DOCK3: variants seen among roughly 807,000 people sequenced by gnomAD.
DOCK3 encodes the protein dedicator of cytokinesis 3, also known as dedicator of cytokinesis protein 3.
Under a neutral mutation model 265.6 loss-of-function variants are expected in DOCK3, and 60 were observed. That is an observed-to-expected ratio of 0.23 (90% CI 0.18 to 0.28). DOCK3 has a LOEUF of 0.28. DOCK3 is among the 10% of genes least tolerant of loss of function. The pLI, the probability that DOCK3 is intolerant of heterozygous loss-of-function variation, is 1.00. For synonymous variants in DOCK3, 881 were observed against 938.0 expected, an observed-to-expected ratio of 0.94 and a Z score of 1.11; for missense variants, 1,981 against 2,594.3, an observed-to-expected ratio of 0.76 and a Z score of 5.14.
intron 9 of DOCK3, among the ~76,000 whole-genome samples, chr3:51,111,893 G>A (rs570566191): frequency 7.2e-5 from 11 of 152,170 alleles, no homozygotes; most frequent in Admixed American, 5.9e-4. Context: ...AGTAGGCAAA[G>A]GACATGTACA....
intron 49 of DOCK3, among the ~76,000 whole-genome samples, chr3:51,364,281 T>G (rs1292783078): frequency 6.6e-6 from 1 of 152,278 alleles, no homozygotes; most frequent in Non-Finnish European, 1.5e-5. Flanking sequence ...TGCATAAATG[T>G]CTTCTTTTGA....
intron 5 of DOCK3, among the ~76,000 whole-genome samples, chr3:51,064,136 C>T (rs900647985): frequency 1.1e-4 from 17 of 152,094 alleles, no homozygotes; most frequent in African/African-American, 3.9e-4. Flanking sequence ...GCTCTGGGCT[C>T]CTGTGTAACA....
intron 3 of DOCK3, among the ~76,000 whole-genome samples, chr3:50,865,236 G>A (rs2047085040): frequency 6.6e-6 from 1 of 151,948 alleles, no homozygotes; most frequent in African/African-American, 2.4e-5. Context: ...CAAATTTTAG[G>A]TCTGATACAT....
At chr3:51,083,293 A>G (rs1253336572) in intron 7 of DOCK3, among the ~76,000 whole-genome samples, 1 of 152,208 alleles carries the variant, frequency 6.6e-6, no homozygotes, top group African/African-American at 2.4e-5. Flanking sequence ...TCTATAGGAA[A>G]AAGTCTTTCC....
At chr3:50,767,014 A>G (rs2040928194) in intron 1 of DOCK3, among the ~76,000 whole-genome samples, 2 of 152,096 alleles carry the variant, frequency 1.3e-5, no homozygotes, top group East Asian at 3.9e-4. Context: ...GATTCTGGAT[A>G]TTAGCCCTTT....
At position 50,886,404 on chromosome 3, in the gene DOCK3, T is replaced by A. The variant is rs571810656; in HGVS notation, c.163-3622T>A. Among the ~76,000 whole-genome samples the A allele has an allele frequency of 1.8e-4, 27 of 152,068 alleles. 1 individual carries two copies. Among genetic ancestry groups the A allele is most frequent in the South Asian group, 1.0e-3 (5 of 4,816 alleles). On this transcript the variant is annotated intron_variant, in intron 3 of 52. Coordinates refer to ENST00000266037, the MANE Select transcript of DOCK3 (RefSeq NM_004947.5). Reference sequence around the variant, plus strand: ...GCAGTTGCTTTTTAAATCCTTTTTTTAAAAAATTTTATTATTATTATACTT... The same window carrying A: ...GCAGTTGCTTTTTAAATCCTTTTTTAAAAAAATTTTATTATTATTATACTT...
intron 9 of DOCK3, among the ~76,000 whole-genome samples, chr3:51,123,452 A>G (rs377274190): frequency 1.2e-4 from 19 of 152,332 alleles, no homozygotes; most frequent in Middle Eastern, 3.4e-3. Flanking sequence ...ATTATTCACT[A>G]CAAGGACTCA....
At chr3:51,326,057 A>G (rs1322493813) in intron 32 of DOCK3, among the ~76,000 whole-genome samples, 1 of 8,080 alleles carries the variant, frequency 1.2e-4, no homozygotes, top group Non-Finnish European at 2.1e-4. Context: ...AACCTAAAGT[A>G]TTAAAAAAAA....
intron 26 of DOCK3, 69 bp from the exon 27 acceptor site, chr3:51,280,037 C>T (rs1250142396): frequency 6.1e-6 from 8 of 1,305,494 alleles, no homozygotes; most frequent in Non-Finnish European, 8.7e-6. Flanking sequence ...TCTCCTTGCC[C>T]TCTATGGATT....
At chr3:51,113,849 G>A (rs1330841819) in intron 9 of DOCK3, among the ~76,000 whole-genome samples, 14 of 152,084 alleles carry the variant, frequency 9.2e-5, no homozygotes, top group Admixed American at 7.2e-4. Context: ...TGATTGTCAC[G>A]GCCTGTAATC....
chr3:50,974,799 A>G (rs1188556178), intron 5 of DOCK3, among the ~76,000 whole-genome samples: 3 of 143,498 alleles, frequency 2.1e-5, no homozygotes, highest in Admixed American at 7.0e-5. Context: ...ATTTGTTTGT[A>G]TCATCTTTTA....
At chr3:51,307,480 A>G (rs1296141756) in intron 27 of DOCK3, among the ~76,000 whole-genome samples, 1 of 152,242 alleles carries the variant, frequency 6.6e-6, no homozygotes, top group East Asian at 1.9e-4. Flanking sequence ...GCAGTTAGTT[A>G]ATGATCAGCT....
At chr3:50,779,271 G>A (rs1576410391) in intron 2 of DOCK3, among the ~76,000 whole-genome samples, 1 of 151,786 alleles carries the variant, frequency 6.6e-6, no homozygotes, top group East Asian at 1.9e-4. Flanking sequence ...CCCATGCTTA[G>A]CTGCCTTTGA....
intron 49 of DOCK3, among the ~76,000 whole-genome samples, chr3:51,368,677 G>A (rs1257871993): frequency 2.0e-5 from 3 of 152,218 alleles, no homozygotes; most frequent in African/African-American, 4.8e-5. Flanking sequence ...AGACTTAAAC[G>A]TCCCTGTCTG....
At chr3:51,127,902 G>C (rs992685070) in intron 9 of DOCK3, among the ~76,000 whole-genome samples, 4 of 152,204 alleles carry the variant, frequency 2.6e-5, no homozygotes, top group African/African-American at 9.7e-5. Context: ...GTAATACTAA[G>C]AGATGCCCTA....
intron 2 of DOCK3, among the ~76,000 whole-genome samples, chr3:50,797,300 G>T (rs1016604857): frequency 6.6e-6 from 1 of 152,224 alleles, no homozygotes; most frequent in African/African-American, 2.4e-5. Flanking sequence ...GTGTTATGGG[G>T]TAGTCACTCA....
At chr3:50,903,758 T>G (rs894342372) in intron 4 of DOCK3, among the ~76,000 whole-genome samples, 1 of 152,028 alleles carries the variant, frequency 6.6e-6, no homozygotes, top group East Asian at 1.9e-4. Flanking sequence ...TCTTTTTTTT[T>G]ATTTAAATGT....
chr3:51,007,685 A>G (rs1270248012), intron 5 of DOCK3, among the ~76,000 whole-genome samples: 1 of 152,028 alleles, frequency 6.6e-6, no homozygotes, highest in African/African-American at 2.4e-5. Context: ...TTAGTCATGA[A>G]GTCCTTGCCC....
At chr3:51,337,607 G>T (rs1032873254) in intron 35 of DOCK3, among the ~76,000 whole-genome samples, 2 of 152,212 alleles carry the variant, frequency 1.3e-5, no homozygotes, top group Non-Finnish European at 2.9e-5. Flanking sequence ...TGTCTTGCTG[G>T]ATTCACCAGT....
Sources: allele counts gnomAD v4.1 joint callset (sites outside exome capture counted in the v4.1 genomes callset), GRCh38; gene constraint gnomAD v4.1.1; transcripts MANE v1.5; gene names NCBI Gene and HGNC (gene_info 2026-07-23, HGNC 2026-07-21).